OGFOD1: variants seen among roughly 807,000 people sequenced by gnomAD.
OGFOD1 encodes 2-oxoglutarate and iron dependent oxygenase domain containing 1, also known as prolyl 3-hydroxylase OGFOD1.
A neutral mutation model predicts 67.7 loss-of-function variants in OGFOD1; 54 were observed. That is an observed-to-expected ratio of 0.80 (90% CI 0.64 to 1.00). The LOEUF (loss-of-function observed/expected upper bound fraction) is 1.00, where lower values mean the gene tolerates loss of function less well. Ranked by LOEUF, OGFOD1 falls within the 50% of genes least tolerant of loss-of-function variation. The pLI is 0.00. For missense variants in OGFOD1, 606 were observed against 646.7 expected (o/e 0.94, Z 0.68); for synonymous variants, 221 against 227.0 (o/e 0.97, Z 0.24).
intron 11 of OGFOD1, 30 bp from the exon 12 acceptor site, chr16:56,475,477 T>C (rs1963420454): frequency 1.2e-6 from 2 of 1,609,114 alleles, no homozygotes; most frequent in Non-Finnish European, 1.7e-6. Context: ...ATAGGAGCTT[T>C]CTGAATGCTG....
At chr16:56,457,296 G>C (rs1189554621) in intron 2 of OGFOD1, among the ~76,000 whole-genome samples, 1 of 152,208 alleles carries the variant, frequency 6.6e-6, no homozygotes, top group Non-Finnish European at 1.5e-5. Flanking sequence ...ATTAGGCTAA[G>C]TGAAAGAAGT....
At chr16:56,461,457 A>C (rs763630588) in intron 3 of OGFOD1, among the ~76,000 whole-genome samples, 6 of 152,170 alleles carry the variant, frequency 3.9e-5, no homozygotes, top group Non-Finnish European at 7.4e-5. Context: ...TCCTTTTATA[A>C]TAAACTGGTA....
rs375077471 is a variant in OGFOD1, at chr16:56,458,581, A to G, written c.334A>G (p.Ile112Val). The stretch of plus-strand genomic sequence containing the variant: ...TTTGAAGAAGAGAAGAGAGCCTCAC[A>G]TCTCCACTTTAAGGTAAACAAGTAA... Reference protein sequence around the residue: ...DDLKKRREPHISTLRKILFED... With the variant: ...DDLKKRREPHVSTLRKILFED... Residue 112 changes from isoleucine (I) to valine (V), a missense_variant, in exon 3 of 13, where the codon ATC becomes GTC. Coordinates refer to ENST00000566157, the MANE Select transcript of OGFOD1 (RefSeq NM_018233.4). 1 of 1,613,610 alleles carries G rather than the reference A, an allele frequency of 6.2e-7. No homozygotes were observed. The highest frequency in any genetic ancestry group is 2.2e-5 in the East Asian group (1 of 44,868).
chr16:56,477,154 A>G lies in OGFOD1; in HGVS notation c.*949A>G, dbSNP rs10438565. ...CAAAAAAAAAAAAGAAGAAAAAAAC[A>G]TAAGTGATTGCAGAATTTTGTTCTT... is the stretch of plus-strand genomic sequence containing the variant. On this transcript the variant is annotated 3_prime_UTR_variant, in exon 13 of 13. Transcript: ENST00000566157. 0.044 allele frequency: 6,734 copies of G among 151,920 alleles called. 221 individuals carry two copies. The highest frequency in any genetic ancestry group is 0.16 in the East Asian group (807 of 5,180). 9.4% of individuals were successfully genotyped at this position (151,920 alleles called of 1,614,324 possible).
Position 56,473,033 on chromosome 16 carries a change from C to T in OGFOD1, c.1286-1795C>T, listed in dbSNP as rs149155200. 4.1e-3 allele frequency among the ~76,000 whole-genome samples: 625 copies of T among 152,248 alleles called. 4 individuals carry two copies. Among genetic ancestry groups the T allele is most frequent in the African/African-American group, 0.014 (582 of 41,550 alleles). On this transcript the variant is annotated intron_variant, in intron 10 of 12. Coordinates refer to ENST00000566157, the MANE Select transcript of OGFOD1 (RefSeq NM_018233.4). ...GCTACCTCCGTCTTCCGGGTTCAAG[C>T]GATTCTCCTGCCTCAGCCTCCCGAG...
intron 1 of OGFOD1, 76 bp from the exon 2 acceptor site, chr16:56,453,187 A>AT (rs1962400548): frequency 4.8e-6 from 7 of 1,458,766 alleles, no homozygotes; most frequent in Middle Eastern, 1.8e-4. Flanking sequence ...CCCCTTTTGT[A>AT]TTAGCTCTGC....
chr16:56,467,169 C>T lies in OGFOD1; in HGVS notation c.662C>T (p.Ser221Phe). 2 of 1,614,114 alleles carry T rather than the reference C, an allele frequency of 1.2e-6. No homozygotes were observed. Among genetic ancestry groups the T allele is most frequent in the Non-Finnish European group, 1.7e-6 (2 of 1,180,002 alleles). Residue 221 changes from serine (S) to phenylalanine (F), a missense_variant, in exon 7 of 13, where the codon TCT becomes TTT. Ser to Phe is a radical substitution (Grantham distance 155). Coordinates refer to ENST00000566157, the MANE Select transcript of OGFOD1 (RefSeq NM_018233.4). ...CTACTGGGCTTCTCCTTTCAGGTGT[C>T]TGAAGTGCTGTCTGAAGAAAAGTCA... The part of the protein sequence containing the change: ...EVSPVSFHQV[S>F]EVLSEEKSRL...
intron 2 of OGFOD1, among the ~76,000 whole-genome samples, chr16:56,454,334 G>A (rs116353588): frequency 0.019 from 2,873 of 152,206 alleles, 91 homozygotes; most frequent in African/African-American, 0.064. Context: ...GGCCACAAGA[G>A]CAAAATACCA....
At position 56,453,252 on chromosome 16, in the gene OGFOD1, T is replaced by C. The variant is rs1324996866; in HGVS notation, c.155-11T>C. On this transcript the variant is annotated splice_polypyrimidine_tract_variant and intron_variant, in intron 1 of 12. Transcript: ENST00000566157. The stretch of plus-strand genomic sequence containing the variant: ...GGAAAAAAGCCATAGATAATGTTTT[T>C]CTTCCAACAGAAGTCATTGTCATGG... The C allele has an allele frequency of 1.2e-6, 2 of 1,600,634 alleles. No homozygotes were observed. Among genetic ancestry groups the C allele is most frequent in the Admixed American group, 1.8e-5 (1 of 56,078 alleles).
In OGFOD1 at chr16:56,467,176, G is replaced by C. The variant is rs1223288824; in HGVS notation, c.669G>C (p.Val223=). 1 of 1,614,088 alleles carries C rather than the reference G, an allele frequency of 6.2e-7. No homozygotes were observed. ...GCTTCTCCTTTCAGGTGTCTGAAGT[G>C]CTGTCTGAAGAAAAGTCACGTTTGT... ...SPVSFHQVSE[V]LSEEKSRLSI... is the part of the protein sequence containing the mutation. The change falls in exon 7 of 13, where the codon GTG becomes GTC. Residue 223 remains valine, a synonymous_variant. Transcript: ENST00000566157.
intron 8 of OGFOD1, among the ~76,000 whole-genome samples, chr16:56,469,484 T>G (rs1963051388): frequency 6.6e-6 from 1 of 152,128 alleles, no homozygotes; most frequent in Non-Finnish European, 1.5e-5. Context: ...TCAGGTCTCT[T>G]GGCTAAAGCA....
At chr16:56,466,808 C>A in intron 5 of OGFOD1, 68 bp from the exon 6 acceptor site, 1 of 1,199,272 alleles carries the variant, frequency 8.3e-7, no homozygotes, top group South Asian at 1.2e-5. Flanking sequence ...TGGAAATTGT[C>A]AAGAGTAAAA....
At position 56,470,081 on chromosome 16, in the gene OGFOD1, A is replaced by G; in HGVS notation, c.979A>G (p.Arg327Gly). The part of the protein sequence containing the change: ...EWSSRGPPNK[R>G]FYEKAEESKL... The stretch of plus-strand genomic sequence containing the variant: ...GAGCAGCCGAGGTCCCCCTAACAAA[A>G]GGTAGAACCCGTCATCTGAGATATT... Residue 327 changes from arginine to glycine, a missense_variant and splice_region_variant, in exon 9 of 13, where the codon AGG becomes GGG. Physicochemically the swap from Arg to Gly is moderately radical, Grantham distance 125. Coordinates refer to ENST00000566157, the MANE Select transcript of OGFOD1 (RefSeq NM_018233.4). 1 of 1,613,576 alleles carries G rather than the reference A, an allele frequency of 6.2e-7. No homozygotes were observed.
intron 1 of OGFOD1, among the ~76,000 whole-genome samples, chr16:56,452,777 G>C (rs560615221): frequency 6.6e-6 from 1 of 152,236 alleles, no homozygotes; most frequent in African/African-American, 2.4e-5. Flanking sequence ...TGTTGGGGTA[G>C]AAATCAAGGA....
chr16:56,461,886 A>G (rs1962722524), intron 3 of OGFOD1, among the ~76,000 whole-genome samples: 1 of 152,110 alleles, frequency 6.6e-6, no homozygotes, highest in Non-Finnish European at 1.5e-5. Context: ...TGAGGTCAGG[A>G]GTTGGAGACC....
chr16:56,468,416 A>G (rs761873191), intron 8 of OGFOD1, among the ~76,000 whole-genome samples: 3 of 152,212 alleles, frequency 2.0e-5, no homozygotes, highest in Non-Finnish European at 4.4e-5. Flanking sequence ...GTTATAGTGG[A>G]AAGAGATTAG....
At position 56,467,231 on chromosome 16, in the gene OGFOD1, T is replaced by C. The variant is rs751789791; in HGVS notation, c.724T>C (p.Leu242=). The C allele has an allele frequency of 4.3e-6, 7 of 1,614,136 alleles. No homozygotes were observed. The highest frequency in any genetic ancestry group is 1.1e-5 in the South Asian group (1 of 91,076). Residue 242 remains leucine (L), a synonymous_variant, in exon 7 of 13, where the codon TTG becomes CTG. Coordinates refer to ENST00000566157, the MANE Select transcript of OGFOD1 (RefSeq NM_018233.4). ...SISGWFHGPS[L]TRPPNYFEPP... is the part of the protein sequence containing the mutation. ...AAGTGGCTGGTTTCATGGTCCATCA[T>C]TGACTCGGCCTCCCAACTACTTTGA...
rs1357299480 is a variant in OGFOD1, at chr16:56,467,033, A to T, written c.657+66A>T. 2.6e-6 allele frequency: 4 copies of T among 1,540,478 alleles called. No homozygotes were observed. The East Asian group carries it at 9.0e-5, about 35-fold the overall frequency. ...TTTTTTAATCACCCATTATCCAAAC[A>T]TGACAGCTTCCTGTTAGACTTGTTA... On this transcript the variant is annotated intron_variant, in intron 6 of 12. Coordinates refer to ENST00000566157, the MANE Select transcript of OGFOD1 (RefSeq NM_018233.4).
intron 2 of OGFOD1, among the ~76,000 whole-genome samples, chr16:56,455,194 C>T (rs1301477606): frequency 2.0e-5 from 3 of 152,122 alleles, no homozygotes; most frequent in Admixed American, 6.5e-5. Flanking sequence ...AGTGAAACCC[C>T]GTATCTACTA....
Sources: gnomAD v4.1 joint callset for allele counts (sites outside exome capture counted in the v4.1 genomes callset) on GRCh38, gnomAD v4.1.1 for gene constraint, MANE v1.5 for transcripts, NCBI Gene and HGNC (gene_info 2026-07-23, HGNC 2026-07-21) for gene names.